Variants in MGST1 observed in about 807,000 individuals in gnomAD.
The protein encoded by MGST1 is microsomal glutathione S-transferase 1.
A neutral mutation model predicts 8.9 loss-of-function variants in MGST1; 5 were observed. The observed-to-expected ratio is 0.56, with a 90% CI of 0.29 to 1.19. MGST1 has a LOEUF of 1.19. MGST1 is among the 50% of genes most tolerant of loss of function. The pLI is 0.08. For missense variants in MGST1, 182 were observed against 187.4 expected (o/e 0.97, Z 0.17); for synonymous variants, 54 against 67.8 (o/e 0.80, Z 1.00).
rs1329597443 is a variant in MGST1, at chr12:16,389,768, G to A, written n.778+6164G>A. ...AGTGAGCAATATTGGAGTTTTCATA[G>A]TAAGAGCTTGCAGAGGTGGCTGGGA... On this transcript the variant is annotated intron_variant and non_coding_transcript_variant, in intron 1 of 1. Coordinates refer to the MGST1 transcript ENST00000359720. This position sits in a 1 kb window ranked among gnomAD's most constrained non-coding sequence, Gnocchi z 4.6. Among the ~76,000 whole-genome samples, 1 of 152,152 alleles carries A rather than the reference G, an allele frequency of 6.6e-6. No homozygotes were observed. The highest frequency in any genetic ancestry group is 1.5e-5 in the Non-Finnish European group (1 of 68,030).
At chr12:16,480,351 C>A (rs1477011347) in intron 4 of MGST1, among the ~76,000 whole-genome samples, 1 of 151,886 alleles carries the variant, frequency 6.6e-6, no homozygotes, top group Non-Finnish European at 1.5e-5. Context: ...CCATGTTGGC[C>A]AGGATGGTCT....
chr12:16,369,142 C>G (rs968492837), downstream of MGST1, among the ~76,000 whole-genome samples: 1 of 152,058 alleles, frequency 6.6e-6, no homozygotes, highest in Non-Finnish European at 1.5e-5. This position sits in a 1 kb window ranked among gnomAD's most constrained non-coding sequence, Gnocchi z 4.8. Context: ...GTGAATAGAT[C>G]CTGGATTTGA....
Position 16,576,829 on chromosome 12 carries a change from A to G in MGST1, n.483-12699A>G, listed in dbSNP as rs139741571. Among the ~76,000 whole-genome samples, 4 of 152,368 alleles carry G rather than the reference A, an allele frequency of 2.6e-5. No homozygotes were observed. Among genetic ancestry groups the G allele is most frequent in the African/African-American group, 9.6e-5 (4 of 41,594 alleles). ...AATACCATTTTAAATTCAGTGTACA[A>G]TGGACATAAGACCTGTAGGTGGAAG... is the stretch of plus-strand genomic sequence containing the variant. On this transcript the variant is annotated intron_variant and non_coding_transcript_variant, in intron 4 of 4. Coordinates refer to the MGST1 transcript ENST00000538857. This position sits in a 1 kb window ranked among gnomAD's most constrained non-coding sequence, Gnocchi z 4.1.
intron 3 of MGST1, chr12:16,370,520 G>C (rs181001411): frequency 6.6e-5 from 10 of 152,010 alleles, no homozygotes; most frequent in Admixed American, 5.9e-4. Context: ...ATCTTCTATG[G>C]GTTGTATATT....
At chr12:16,527,521 A>G (rs1351687934) in intron 4 of MGST1, among the ~76,000 whole-genome samples, 2 of 151,994 alleles carry the variant, frequency 1.3e-5, no homozygotes, top group Non-Finnish European at 2.9e-5. Context: ...GAGATTATAA[A>G]ACAAGTTGTT....
intron 3 of MGST1, among the ~76,000 whole-genome samples, chr12:16,371,649 A>G (rs80288532): frequency 0.017 from 2,527 of 152,212 alleles, 76 homozygotes; most frequent in African/African-American, 0.057. Context: ...TAAAAATTCC[A>G]TTCTTCTCAT....
In MGST1 at chr12:16,586,285, T is replaced by C. The variant is rs1943316638; in HGVS notation, n.483-3243T>C. ...TAATCTCTGGCAAGAACACAGAGTGTTAAGATGTCATGATACGATGAAGTC... is the reference window on the plus strand; with the variant it reads ...TAATCTCTGGCAAGAACACAGAGTGCTAAGATGTCATGATACGATGAAGTC... On this transcript the variant is annotated intron_variant and non_coding_transcript_variant, in intron 4 of 4. Coordinates refer to the MGST1 transcript ENST00000538857. The surrounding 1 kb of genome is among the most constrained non-coding windows in gnomAD (Gnocchi z 4.3). Among the ~76,000 whole-genome samples the C allele has an allele frequency of 6.6e-6, 1 of 152,126 alleles. No individual in the cohort carries two copies. Among genetic ancestry groups the C allele is most frequent in the East Asian group, 1.9e-4 (1 of 5,188 alleles).
chr12:16,379,995 C>T (rs1940434095), downstream of MGST1, among the ~76,000 whole-genome samples: 1 of 152,016 alleles, frequency 6.6e-6, no homozygotes, highest in Non-Finnish European at 1.5e-5. Context: ...GTGGTGATAT[C>T]CCCTTTATCA....
intron 1 of MGST1, among the ~76,000 whole-genome samples, chr12:16,388,232 T>G (rs1057237737): frequency 1.3e-5 from 2 of 151,982 alleles, no homozygotes; most frequent in African/African-American, 4.8e-5. Context: ...TGGTAAGTAT[T>G]TGTGTACCTA....
intron 4 of MGST1, among the ~76,000 whole-genome samples, chr12:16,481,591 A>G (rs1292485241): frequency 6.6e-6 from 1 of 152,222 alleles, no homozygotes; most frequent in Non-Finnish European, 1.5e-5. Context: ...AATTAACACT[A>G]CAGTTATTGA....
chr12:16,583,255 G>T (rs761505732), intron 4 of MGST1, among the ~76,000 whole-genome samples: 1 of 152,004 alleles, frequency 6.6e-6, no homozygotes, highest in Admixed American at 6.6e-5. Context: ...ATCACAAGTG[G>T]GTAAGGAGTG....
chr12:16,587,832 C>T lies in MGST1; in HGVS notation n.483-1696C>T, dbSNP rs972047877. ...GGGGTTTCAGGGGGAGGGAGAGGAA[C>T]CTTGTCTCATATTAATGCTGCCAGT... On this transcript the variant is annotated intron_variant and non_coding_transcript_variant, in intron 4 of 4. Transcript: ENST00000538857. The surrounding 1 kb of genome is among the most constrained non-coding windows in gnomAD (Gnocchi z 4.3). Among the ~76,000 whole-genome samples, 3 of 151,942 alleles carry T rather than the reference C, an allele frequency of 2.0e-5. No individual in the cohort carries two copies. The highest frequency in any genetic ancestry group is 2.9e-5 in the Non-Finnish European group (2 of 67,984).
intron 4 of MGST1, among the ~76,000 whole-genome samples, chr12:16,452,190 T>C (rs920285053): frequency 3.3e-5 from 5 of 151,882 alleles, no homozygotes; most frequent in African/African-American, 1.2e-4. Context: ...CTTTACTTTG[T>C]CTTTCTATAA....
intron 4 of MGST1, among the ~76,000 whole-genome samples, chr12:16,472,521 A>G (rs1398819060): frequency 1.3e-5 from 2 of 150,786 alleles, no homozygotes; most frequent in Non-Finnish European, 2.9e-5. Context: ...TTCAGTTTTG[A>G]GCTGAAAAAT....
At chr12:16,473,917 A>T (rs892422529) in intron 4 of MGST1, among the ~76,000 whole-genome samples, 1 of 152,162 alleles carries the variant, frequency 6.6e-6, no homozygotes, top group Non-Finnish European at 1.5e-5. Context: ...AAAAAGTCTA[A>T]TCACTGAGAA....
At chr12:16,352,160 A>C (rs1939496494) in intron 1 of MGST1, among the ~76,000 whole-genome samples, 1 of 152,208 alleles carries the variant, frequency 6.6e-6, no homozygotes, top group African/African-American at 2.4e-5. Flanking sequence ...CAATTGTAAT[A>C]GATTAACAAA....
At chr12:16,445,822 A>G (rs113956087) in intron 4 of MGST1, among the ~76,000 whole-genome samples, 9 of 152,032 alleles carry the variant, frequency 5.9e-5, no homozygotes, top group African/African-American at 2.2e-4. Context: ...GGATACACCA[A>G]ACCTGAAATC....
intron 4 of MGST1, among the ~76,000 whole-genome samples, chr12:16,448,099 A>T (rs546354651): frequency 2.6e-5 from 4 of 151,928 alleles, no homozygotes. Context: ...AGAGAGAAAA[A>T]TGTTAAACAT....
At chr12:16,561,418 G>A (rs1283839927) in intron 4 of MGST1, among the ~76,000 whole-genome samples, 1 of 152,050 alleles carries the variant, frequency 6.6e-6, no homozygotes, top group African/African-American at 2.4e-5. Flanking sequence ...AAGCAAACTA[G>A]ATGAAAAACA....
Sources: gnomAD v4.1 joint callset for allele counts (sites outside exome capture counted in the v4.1 genomes callset) on GRCh38, gnomAD v4.1.1 for gene constraint, Gnocchi (gnomAD v3.1) non-coding constraint, MANE v1.5 for transcripts, NCBI Gene and HGNC (gene_info 2026-07-23, HGNC 2026-07-21) for gene names.